The following ATAD2 variants were observed in gnomAD, a reference collection of about 807,000 sequenced individuals.
The protein encoded by ATAD2 is ATPase family AAA domain-containing protein 2.
Under a neutral mutation model 168.9 loss-of-function variants are expected in ATAD2, and 62 were observed. The observed-to-expected ratio is 0.37, with a 90% CI of 0.30 to 0.45. ATAD2 has a LOEUF of 0.45. Ranked by LOEUF, ATAD2 falls within the 20% of genes least tolerant of loss-of-function variation. The pLI is 1.00. For missense variants in ATAD2, 1,419 were observed against 1,667.8 expected (o/e 0.85, Z 2.60); for synonymous variants, 613 against 571.6 (o/e 1.07, Z -1.03).
intron 1 of ATAD2, among the ~76,000 whole-genome samples, chr8:123,405,278 C>T (rs1192599177): frequency 7.6e-5 from 10 of 132,322 alleles, no homozygotes; most frequent in South Asian, 2.4e-4. Flanking sequence ...TTTTTTGAGA[C>T]GCAGTTTTGC....
rs1813025747 is a variant in ATAD2 at position 123,402,942 on chromosome 8, G to C, written c.-2281-1767C>G. 6.6e-6 allele frequency among the ~76,000 whole-genome samples: 1 copy of C among 152,164 alleles called. No homozygotes were observed. The highest frequency in any genetic ancestry group is 1.5e-5 in the Non-Finnish European group (1 of 68,036). On this transcript the variant is annotated intron_variant, in intron 1 of 28. Transcript: ENST00000521903. This position sits in a 1 kb window ranked among gnomAD's most constrained non-coding sequence, Gnocchi z 4.8. The stretch of plus-strand genomic sequence containing the variant: ...TGGAAACTTGGATTTCTTTCAGGAA[G>C]TCTCCTGGTGATTCTTATCCACAGA...
At chr8:123,396,716 T>C (rs1240716744), upstream of ATAD2, among the ~76,000 whole-genome samples, 1 of 152,042 alleles carries the variant, frequency 6.6e-6, no homozygotes, top group Non-Finnish European at 1.5e-5. Flanking sequence ...GAGCGGTGCG[T>C]AGCCCGTTTG....
intron 19 of ATAD2, among the ~76,000 whole-genome samples, chr8:123,341,068 G>A (rs1009934473): frequency 1.1e-4 from 16 of 151,626 alleles, no homozygotes; most frequent in African/African-American, 3.6e-4. Flanking sequence ...TCAGCCTCCC[G>A]AGTAGCTGGG....
rs961284287 is a variant in ATAD2, at chr8:123,349,507, A to G, written c.1647-63T>C. Reference sequence around the variant, plus strand: ...TGAACACAGTCTATATCATTCAGTAATATTTCTTCTTTTGTAAGATTTAAC... The same window carrying G: ...TGAACACAGTCTATATCATTCAGTAGTATTTCTTCTTTTGTAAGATTTAAC... On this transcript the variant is annotated intron_variant, in intron 13 of 27. Transcript: ENST00000287394. The G allele has an allele frequency of 2.7e-6, 4 of 1,470,804 alleles. No homozygotes were observed. The African/African-American group carries it at 5.7e-5, about 21-fold the overall frequency. The allele number at this position is 1,470,804 out of a possible 1,614,324, so 91.1% of individuals were successfully genotyped here. A position where few individuals can be genotyped will look rare whatever the true frequency, so the allele number is the denominator to read the frequency against.
chr8:123,335,363 G>A (rs1389619741), intron 22 of ATAD2, among the ~76,000 whole-genome samples: 1 of 152,138 alleles, frequency 6.6e-6, no homozygotes, highest in Non-Finnish European at 1.5e-5. Flanking sequence ...TAGGGAAGGT[G>A]AGCTAGAGGA....
At chr8:123,383,499 T>C (rs2129875586) in intron 1 of ATAD2, among the ~76,000 whole-genome samples, 1 of 152,128 alleles carries the variant, frequency 6.6e-6, no homozygotes, top group East Asian at 1.9e-4. Flanking sequence ...CAGCCGGGCA[T>C]GGTGGCTCAT....
intron 8 of ATAD2, among the ~76,000 whole-genome samples, chr8:123,368,791 C>T (rs559099812): frequency 6.6e-6 from 1 of 152,270 alleles, no homozygotes; most frequent in Non-Finnish European, 1.5e-5. Context: ...AACCCTGAGT[C>T]TAAGGTTGCT....
intron 11 of ATAD2, among the ~76,000 whole-genome samples, chr8:123,358,470 G>C (rs1322010428): frequency 2.0e-5 from 3 of 150,822 alleles, no homozygotes; most frequent in Admixed American, 6.6e-5. Flanking sequence ...TCAGCCTCCC[G>C]AGTAGCTGGG....
chr8:123,359,321 C>T lies in ATAD2; in HGVS notation c.1282G>A (p.Val428Ile), dbSNP rs755942531. ...QLDSSVRFDSVGGLSNHIAAL... is the reference protein window; with the variant it reads ...QLDSSVRFDSIGGLSNHIAAL... ...GCTATATGATTAGACAGGCCACCAA[C>T]ACTATCAAATCGTACCTGGTAATGG... The change falls in exon 11 of 28, where the codon GTT (valine) becomes ATT (isoleucine). Residue 428 changes from valine to isoleucine, a missense_variant. Physicochemically the swap from Val to Ile is conservative, Grantham distance 29 (BLOSUM62 3). Coordinates refer to ENST00000287394, the MANE Select transcript of ATAD2 (RefSeq NM_014109.4). 1.9e-6 allele frequency: 3 copies of T among 1,607,492 alleles called. No individual in the cohort carries two copies. The highest frequency in any genetic ancestry group is 2.2e-5 in the East Asian group (1 of 44,818).
At chr8:123,380,258 G>A (rs1829457165) in intron 2 of ATAD2, among the ~76,000 whole-genome samples, 1 of 151,828 alleles carries the variant, frequency 6.6e-6, no homozygotes, top group African/African-American at 2.4e-5. Flanking sequence ...TCTCCATGTT[G>A]GTCAGGCTGG....
chr8:123,348,905 T>C (rs1018398625), intron 14 of ATAD2, among the ~76,000 whole-genome samples: 3 of 152,168 alleles, frequency 2.0e-5, no homozygotes, highest in African/African-American at 7.2e-5. Flanking sequence ...AGACAGCTCT[T>C]GACATATTTT....
At chr8:123,344,727 G>A (rs1473688173) in intron 19 of ATAD2, 157 bp downstream of exon 19, 13 of 767,840 alleles carry the variant, frequency 1.7e-5, no homozygotes, top group African/African-American at 3.5e-5. Flanking sequence ...CTTGCCCAAT[G>A]AGCACATATA....
chr8:123,339,456 G>C lies in ATAD2; in HGVS notation c.2719-10C>G. 1 of 1,562,420 alleles carries C rather than the reference G, an allele frequency of 6.4e-7. No homozygotes were observed. Among genetic ancestry groups the C allele is most frequent in the Non-Finnish European group, 8.7e-7 (1 of 1,150,608 alleles). ...TAAACAATTCTTGCACCTTAAAAAA[G>C]AAAATAAATGCAATATATATCATAT... On this transcript the variant is annotated splice_polypyrimidine_tract_variant and intron_variant, in intron 19 of 27. Coordinates refer to ENST00000287394, the MANE Select transcript of ATAD2 (RefSeq NM_014109.4).
At position 123,404,172 on chromosome 8, in the gene ATAD2, C is replaced by T. The variant is rs529556088; in HGVS notation, c.-2281-2997G>A. Among the ~76,000 whole-genome samples, 49 of 152,174 alleles carry T rather than the reference C, an allele frequency of 3.2e-4. 1 individual carries two copies. In the East Asian group the frequency reaches 8.3e-3, roughly 26 times the overall value. On this transcript the variant is annotated intron_variant, in intron 1 of 28. Transcript: ENST00000521903. ...GGATTAAAAGTCTCCTTCATATGCC[C>T]GTTTCCTAGCCATCTTGTCACCCTT...
At chr8:123,408,844 T>C (rs1043832329) in intron 1 of ATAD2, among the ~76,000 whole-genome samples, 19 of 151,640 alleles carry the variant, frequency 1.3e-4, no homozygotes, top group African/African-American at 4.6e-4. Context: ...TTTTTTTTTT[T>C]TGAGACGGAG....
intron 13 of ATAD2, 84 bp downstream of exon 13, chr8:123,356,305 C>T (rs1828644039): frequency 4.4e-6 from 5 of 1,134,784 alleles, no homozygotes; most frequent in Non-Finnish European, 5.0e-6. Flanking sequence ...AAGTTTCTTT[C>T]ACCATTTAAC....
At chr8:123,389,414 C>T (rs976550237) in intron 1 of ATAD2, among the ~76,000 whole-genome samples, 19 of 149,728 alleles carry the variant, frequency 1.3e-4, no homozygotes, top group Non-Finnish European at 2.4e-4. Flanking sequence ...CCAAGGCGGG[C>T]GGATCACGAA....
At chr8:123,356,363 T>G in intron 13 of ATAD2, 26 bp downstream of exon 13, 2 of 1,567,554 alleles carry the variant, frequency 1.3e-6, no homozygotes, top group Non-Finnish European at 1.8e-6. Context: ...GGAAGAAACG[T>G]TGAAGTGCCA....
rs1420231032 is a variant in ATAD2 at position 123,346,322 on chromosome 8, T to A, written c.2346-50A>T. ...TATGTTTTAGAAAAAACAGTTTAAA[T>A]TTTCCCCCTAAATTGTCAACTATAA... On this transcript the variant is annotated intron_variant, in intron 17 of 27. Coordinates refer to ENST00000287394, the MANE Select transcript of ATAD2 (RefSeq NM_014109.4). The A allele has an allele frequency of 2.7e-6, 4 of 1,465,646 alleles. No individual in the cohort carries two copies. The East Asian group carries it at 7.2e-5, about 26-fold the overall frequency. The allele number at this position is 1,465,646 out of a possible 1,614,324, so 90.8% of individuals were successfully genotyped here. A position where few individuals can be genotyped will look rare whatever the true frequency, so the allele number is the denominator to read the frequency against.
Sources: allele counts gnomAD v4.1 joint callset (sites outside exome capture counted in the v4.1 genomes callset), GRCh38; gene constraint gnomAD v4.1.1; non-coding constraint Gnocchi (gnomAD v3.1); transcripts MANE v1.5; gene names NCBI Gene and HGNC (gene_info 2026-07-23, HGNC 2026-07-21).